Variants in POLR1A observed in about 807,000 individuals in gnomAD.
POLR1A encodes the protein RNA polymerase I subunit A.
Under a neutral mutation model 205.3 loss-of-function variants are expected in POLR1A, and 84 were observed. The ratio of observed to expected loss-of-function variants is 0.41; its 90% confidence interval spans 0.34 to 0.49. POLR1A has a LOEUF of 0.49. POLR1A is among the 20% of genes least tolerant of loss of function. The pLI, the probability that POLR1A is intolerant of heterozygous loss-of-function variation, is 0.22. For synonymous variants in POLR1A, 799 were observed against 863.7 expected (o/e 0.93, Z 1.31); for missense variants, 1,645 against 2,204.5 (o/e 0.75, Z 5.08).
chr2:86,086,982 C>T (rs944042472), intron 6 of POLR1A, among the ~76,000 whole-genome samples: 6 of 152,280 alleles, frequency 3.9e-5, no homozygotes, highest in African/African-American at 1.2e-4. Flanking sequence ...ATTAAAAAGG[C>T]TTTCTAAATG....
chr2:86,098,990 G>T (rs1673760357), intron 2 of POLR1A, among the ~76,000 whole-genome samples: 1 of 151,624 alleles, frequency 6.6e-6, no homozygotes, highest in Non-Finnish European at 1.5e-5. Context: ...ATTTACTTTG[G>T]GCGTACAACC....
chr2:86,037,508 G>C (rs1245721901), intron 27 of POLR1A, among the ~76,000 whole-genome samples: 2 of 152,258 alleles, frequency 1.3e-5, no homozygotes, highest in Admixed American at 6.5e-5. Flanking sequence ...GCCTGCCCCC[G>C]TGACTCAGCG....
At chr2:86,052,074 A>G (rs1316028239) in intron 16 of POLR1A, among the ~76,000 whole-genome samples, 1 of 152,150 alleles carries the variant, frequency 6.6e-6, no homozygotes, top group Admixed American at 6.5e-5. Flanking sequence ...CCTCCTGAGT[A>G]GCTGGGATTA....
At chr2:86,037,004 G>C (rs1037722777) in intron 27 of POLR1A, 1 of 152,300 alleles carries the variant, frequency 6.6e-6, no homozygotes, top group African/African-American at 2.4e-5. Flanking sequence ...GGCCTCCTGT[G>C]AACAGAACTG....
intron 18 of POLR1A, among the ~76,000 whole-genome samples, chr2:86,047,929 C>G (rs1038479930): frequency 6.6e-6 from 1 of 152,160 alleles, no homozygotes; most frequent in African/African-American, 2.4e-5. Context: ...GACAAGAAAC[C>G]ATTCTGAGAT....
chr2:86,060,165 A>G (rs1455112451), intron 14 of POLR1A, among the ~76,000 whole-genome samples: 1 of 152,252 alleles, frequency 6.6e-6, no homozygotes, highest in Non-Finnish European at 1.5e-5. Context: ...AGGCTTTTAC[A>G]TAATTGAAGG....
intron 27 of POLR1A, 79 bp from the exon 28 acceptor site, chr2:86,033,866 T>A (rs1013199999): frequency 6.5e-7 from 1 of 1,541,076 alleles, no homozygotes; most frequent in East Asian, 2.3e-5. Flanking sequence ...GATAGGACGC[T>A]GAGGGATTCC....
intron 8 of POLR1A, 151 bp downstream of exon 8, chr2:86,081,450 A>G (rs1673400008): frequency 3.3e-6 from 2 of 601,200 alleles, no homozygotes; most frequent in African/African-American, 3.7e-5. Context: ...ACAAACGGGA[A>G]GGAAAGCAAG....
At position 86,040,517 on chromosome 2, in the gene POLR1A, A is replaced by G. The variant is rs377096813; in HGVS notation, c.3615T>C (p.Cys1205=). The change falls in exon 25 of 34, where the codon TGT becomes TGC. Residue 1205 remains cysteine, a synonymous_variant. Coordinates refer to ENST00000263857, the MANE Select transcript of POLR1A (RefSeq NM_015425.6). ...LLQLKWQRSL[C]EPGEAVGLLA... ...GCAGGCCCACAGCCTCGCCCGGCTC[A>G]CACAGTGAGCGCTGCCACTTCAGCT... 3.7e-5 allele frequency: 59 copies of G among 1,607,604 alleles called. No homozygotes were observed. In the African/African-American group the frequency reaches 7.9e-4, roughly 21 times the overall value.
chr2:86,071,268 G>A (rs2104413946), intron 12 of POLR1A, among the ~76,000 whole-genome samples: 1 of 150,458 alleles, frequency 6.6e-6, no homozygotes. Context: ...GTGTCTATGG[G>A]AAAGGGGTGG....
Position 86,065,299 on chromosome 2 carries a change from G to T in POLR1A, c.2033C>A (p.Pro678His). 6.2e-7 allele frequency: 1 copy of T among 1,614,038 alleles called. No individual in the cohort carries two copies. The highest frequency in any genetic ancestry group is 8.5e-7 in the Non-Finnish European group (1 of 1,180,000). ...VKLLSPSILK[P>H]FPLWTGKQVV... ...CTGTTTTCCTGTCCACAGCGGAAAG[G>T]GCTTCAGGATGGAAGGAGAAAGGAG... is the stretch of plus-strand genomic sequence containing the variant. The change falls in exon 14 of 34, where the codon CCC (proline) becomes CAC (histidine). Residue 678 changes from proline (P) to histidine (H), a missense_variant. Pro to His is a moderately conservative substitution (Grantham distance 77). Coordinates refer to ENST00000263857, the MANE Select transcript of POLR1A (RefSeq NM_015425.6).
chr2:86,082,068 T>C (rs745754012), intron 7 of POLR1A, among the ~76,000 whole-genome samples: 3 of 152,080 alleles, frequency 2.0e-5, no homozygotes, highest in Non-Finnish European at 2.9e-5. Context: ...ACTCCTGGGC[T>C]CAATTGATCC....
intron 9 of POLR1A, among the ~76,000 whole-genome samples, chr2:86,080,157 T>C (rs1198237594): frequency 6.6e-6 from 1 of 152,144 alleles, no homozygotes; most frequent in East Asian, 1.9e-4. Flanking sequence ...TACCCAAGGC[T>C]GCCTATTTGC....
At chr2:86,044,098 C>A (rs1672667187) in intron 22 of POLR1A, 41 bp downstream of exon 22, 1 of 1,601,876 alleles carries the variant, frequency 6.2e-7, no homozygotes, top group South Asian at 1.1e-5. Flanking sequence ...GTGGGGGAGG[C>A]CTACTGCTCG....
At position 86,025,316 on chromosome 2, in the gene POLR1A, C is replaced by T. The variant is rs545303667; in HGVS notation, c.*2107G>A. 1 of 152,352 alleles carries T rather than the reference C, an allele frequency of 6.6e-6. No homozygotes were observed. Among genetic ancestry groups the T allele is most frequent in the East Asian group, 1.9e-4 (1 of 5,186 alleles). 9.4% of individuals were successfully genotyped at this position (152,352 alleles called of 1,614,324 possible). On this transcript the variant is annotated 3_prime_UTR_variant, in exon 34 of 34. Coordinates refer to ENST00000263857, the MANE Select transcript of POLR1A (RefSeq NM_015425.6). ...TGCATCCTCAATGGGCACTTACAGTCCTAAGAAGACTCCAAAGCCTCTGCC... is the reference window on the plus strand; with the variant it reads ...TGCATCCTCAATGGGCACTTACAGTTCTAAGAAGACTCCAAAGCCTCTGCC...
At chr2:86,088,276 C>G (rs1270585684) in intron 6 of POLR1A, among the ~76,000 whole-genome samples, 1 of 152,178 alleles carries the variant, frequency 6.6e-6, no homozygotes, top group Non-Finnish European at 1.5e-5. Flanking sequence ...AGGTAAATTT[C>G]TTAATTTCTT....
intron 14 of POLR1A, among the ~76,000 whole-genome samples, chr2:86,058,482 T>C (rs1370147073): frequency 7.1e-6 from 1 of 140,374 alleles, no homozygotes; most frequent in East Asian, 2.2e-4. Flanking sequence ...CCTCAAGCAA[T>C]CCTCCTACCT....
chr2:86,051,317 A>G (rs1211683109), intron 16 of POLR1A, among the ~76,000 whole-genome samples: 2 of 152,058 alleles, frequency 1.3e-5, no homozygotes, highest in African/African-American at 4.8e-5. Context: ...ATTAGTGGTT[A>G]TCTCTGACAA....
At chr2:86,062,873 T>C (rs1673020969) in intron 14 of POLR1A, among the ~76,000 whole-genome samples, 1 of 152,090 alleles carries the variant, frequency 6.6e-6, no homozygotes, top group South Asian at 2.1e-4. Context: ...GCAATACAGA[T>C]AGAAAAGGTC....
Sources: allele counts gnomAD v4.1 joint callset (sites outside exome capture counted in the v4.1 genomes callset), GRCh38; gene constraint gnomAD v4.1.1; transcripts MANE v1.5; gene names NCBI Gene and HGNC (gene_info 2026-07-23, HGNC 2026-07-21).